Variants in RAB6A observed in about 807,000 individuals in gnomAD.
RAB6A encodes ras-related protein Rab-6A.
Under a neutral mutation model 32.3 loss-of-function variants are expected in RAB6A, and 8 were observed. That is an observed-to-expected ratio of 0.25 (90% CI 0.15 to 0.45). The LOEUF (loss-of-function observed/expected upper bound fraction) is 0.45, where lower values mean the gene tolerates loss of function less well. RAB6A is among the 20% of genes least tolerant of loss of function. The pLI, the probability that RAB6A is intolerant of heterozygous loss-of-function variation, is 1.00. For missense variants in RAB6A, 104 were observed against 249.4 expected (o/e 0.42, Z 3.93); for synonymous variants, 73 against 82.1 (o/e 0.89, Z 0.60).
At chr11:73,703,513 G>A (rs1249337758) in intron 6 of RAB6A, among the ~76,000 whole-genome samples, 3 of 152,148 alleles carry the variant, frequency 2.0e-5, no homozygotes, top group Non-Finnish European at 2.9e-5. Context: ...AGGCTGAGGT[G>A]GGCGTATCAC....
At chr11:73,757,821 T>G (rs1946784749) in intron 1 of RAB6A, among the ~76,000 whole-genome samples, 1 of 152,228 alleles carries the variant, frequency 6.6e-6, no homozygotes, top group African/African-American at 2.4e-5. Context: ...CTAGCTTTCG[T>G]TACTACTAGA....
intron 6 of RAB6A, among the ~76,000 whole-genome samples, chr11:73,684,479 A>G (rs1424471013): frequency 6.6e-6 from 1 of 152,188 alleles, no homozygotes; most frequent in Non-Finnish European, 1.5e-5. Flanking sequence ...AGATATGTAC[A>G]TTGTTTTTAC....
chr11:73,706,180 G>A (rs909578193), intron 6 of RAB6A, among the ~76,000 whole-genome samples: 25 of 152,098 alleles, frequency 1.6e-4, no homozygotes, highest in Admixed American at 5.2e-4. Flanking sequence ...CTATTTAAAT[G>A]ATGTTACTGT....
chr11:73,684,019 AACT>A (rs1945400481), intron 6 of RAB6A, among the ~76,000 whole-genome samples: 1 of 152,256 alleles, frequency 6.6e-6, no homozygotes, highest in Admixed American at 6.5e-5. Context: ...AGCCTTCAGC[AACT>A]ACTACCCTCA....
At chr11:73,719,563 G>C (rs898556563) in intron 3 of RAB6A, among the ~76,000 whole-genome samples, 2 of 151,778 alleles carry the variant, frequency 1.3e-5, no homozygotes, top group African/African-American at 4.8e-5. Flanking sequence ...AGAAAAGCCT[G>C]AAAACAAGTA....
chr11:73,737,267 G>A (rs1946412701), intron 1 of RAB6A, among the ~76,000 whole-genome samples: 1 of 152,030 alleles, frequency 6.6e-6, no homozygotes, highest in Admixed American at 6.6e-5. Flanking sequence ...GGAGGATCGA[G>A]TGAATACAGG....
At chr11:73,718,555 C>T in intron 4 of RAB6A, 58 bp downstream of exon 4, 8 of 1,371,036 alleles carry the variant, frequency 5.8e-6, no homozygotes, top group Non-Finnish European at 8.1e-6. Flanking sequence ...CAAGAACATG[C>T]ATGCAGCTAA....
At chr11:73,751,208 GT>G (rs1946664712) in intron 1 of RAB6A, among the ~76,000 whole-genome samples, 1 of 152,086 alleles carries the variant, frequency 6.6e-6, no homozygotes, top group South Asian at 2.1e-4. Context: ...TGAGCCAGGA[GT>G]TCCGGGCTGT....
At chr11:73,716,683 T>C (rs1039295940) in intron 4 of RAB6A, among the ~76,000 whole-genome samples, 1 of 152,140 alleles carries the variant, frequency 6.6e-6, no homozygotes, top group African/African-American at 2.4e-5. Context: ...GCAGATAATA[T>C]GGTGTCACAT....
rs1005490925 is a variant in RAB6A, at chr11:73,701,041, G to A, written c.495+6379C>T. Reference sequence around the variant, plus strand: ...ATTATTTAAAAAGAAAACAGTAACTGTGAAAGCCCATTTTTAAGCTTTTAT... The same window carrying A: ...ATTATTTAAAAAGAAAACAGTAACTATGAAAGCCCATTTTTAAGCTTTTAT... On this transcript the variant is annotated intron_variant, in intron 6 of 7. Coordinates refer to ENST00000336083, the MANE Select transcript of RAB6A (RefSeq NM_198896.2). 3.3e-5 allele frequency among the ~76,000 whole-genome samples: 5 copies of A among 152,108 alleles called. No homozygotes were observed. In the South Asian group the frequency reaches 1.0e-3, roughly 31 times the overall value.
At chr11:73,745,951 G>T (rs1334786645) in intron 1 of RAB6A, among the ~76,000 whole-genome samples, 1 of 151,892 alleles carries the variant, frequency 6.6e-6, no homozygotes, top group Non-Finnish European at 1.5e-5. Context: ...AGTGAGCTGA[G>T]ACTGCGCCAC....
intron 6 of RAB6A, among the ~76,000 whole-genome samples, chr11:73,688,602 A>C (rs1372115417): frequency 2.0e-5 from 3 of 152,194 alleles, no homozygotes; most frequent in African/African-American, 7.2e-5. Flanking sequence ...TCTTCTGCTA[A>C]GGATTTACCA....
chr11:73,692,788 CAAAAAAAA>C (rs140762210), intron 6 of RAB6A, among the ~76,000 whole-genome samples: 13,398 of 98,246 alleles, frequency 0.14, 762 homozygotes, highest in South Asian at 0.37. Context: ...ACTAAAAATA[CAAAAAAAA>C]AAAAAAAAAA....
chr11:73,741,575 T>C (rs1946496407), intron 1 of RAB6A, among the ~76,000 whole-genome samples: 2 of 152,142 alleles, frequency 1.3e-5, no homozygotes, highest in South Asian at 4.1e-4. Flanking sequence ...TGCTTTTTAT[T>C]AGTAACTGGC....
intron 3 of RAB6A, among the ~76,000 whole-genome samples, chr11:73,719,100 A>C (rs897496408): frequency 6.6e-6 from 1 of 152,172 alleles, no homozygotes; most frequent in Non-Finnish European, 1.5e-5. Context: ...TCCAAACATA[A>C]ATGACTGGAA....
At chr11:73,742,640 C>A (rs555073637) in intron 1 of RAB6A, among the ~76,000 whole-genome samples, 2 of 152,018 alleles carry the variant, frequency 1.3e-5, no homozygotes, top group Non-Finnish European at 1.5e-5. Flanking sequence ...GGAGAAACCC[C>A]GTCGCTACTA....
At chr11:73,720,028 C>A (rs956288872) in intron 3 of RAB6A, among the ~76,000 whole-genome samples, 1 of 151,532 alleles carries the variant, frequency 6.6e-6, no homozygotes, top group East Asian at 1.9e-4. Flanking sequence ...TTTTTGGGTG[C>A]AGGTCTCAAA....
At chr11:73,727,509 G>C (rs1469462090) in intron 2 of RAB6A, among the ~76,000 whole-genome samples, 1 of 151,604 alleles carries the variant, frequency 6.6e-6, no homozygotes, top group Non-Finnish European at 1.5e-5. Flanking sequence ...TCACTTTACA[G>C]ATGTGAAAAT....
intron 7 of RAB6A, 57 bp downstream of exon 7, chr11:73,679,597 A>T (rs974616414): frequency 6.3e-7 from 1 of 1,584,820 alleles, no homozygotes. Flanking sequence ...CCAAGCAAGC[A>T]GGGCTCTAAA....
Sources: allele counts gnomAD v4.1 joint callset (sites outside exome capture counted in the v4.1 genomes callset), GRCh38; gene constraint gnomAD v4.1.1; transcripts MANE v1.5; gene names NCBI Gene and HGNC (gene_info 2026-07-23, HGNC 2026-07-21).